Variants in SAR1B observed in about 807,000 individuals in gnomAD.
SAR1B encodes the protein small COPII coat GTPase SAR1B.
Under a neutral mutation model 26.8 loss-of-function variants are expected in SAR1B, and 23 were observed. That is an observed-to-expected ratio of 0.86 (90% CI 0.62 to 1.22). The LOEUF (loss-of-function observed/expected upper bound fraction) is 1.22, where lower values mean the gene tolerates loss of function less well. SAR1B is among the 50% of genes most tolerant of loss of function. The probability of loss-of-function intolerance (pLI) is 0.00; values close to 1 mark genes in which losing one functional copy is unlikely to be tolerated. For missense variants in SAR1B, 196 were observed against 232.8 expected (o/e 0.84, Z 1.03); for synonymous variants, 65 against 80.8 (o/e 0.80, Z 1.05).
intron 2 of SAR1B, among the ~76,000 whole-genome samples, chr5:134,622,882 G>A (rs1275689590): frequency 2.0e-5 from 3 of 151,188 alleles, no homozygotes; most frequent in African/African-American, 7.3e-5. Context: ...AGCACTTTGG[G>A]AGTCCAAGGC....
At chr5:134,620,559 GC>G (rs1388622319) in intron 3 of SAR1B, among the ~76,000 whole-genome samples, 2 of 152,044 alleles carry the variant, frequency 1.3e-5, no homozygotes, top group Non-Finnish European at 2.9e-5. Context: ...ACCAGAAAAT[GC>G]CCCCCAAACA....
At chr5:134,617,670 G>A (rs577840154) in intron 3 of SAR1B, among the ~76,000 whole-genome samples, 1 of 152,106 alleles carries the variant, frequency 6.6e-6, no homozygotes, top group East Asian at 1.9e-4. Context: ...GTTTTTGTTG[G>A]GTTTTTTTTC....
intron 1 of SAR1B, among the ~76,000 whole-genome samples, chr5:134,626,978 T>A (rs898243696): frequency 1.3e-5 from 2 of 152,164 alleles, no homozygotes; most frequent in African/African-American, 2.4e-5. Flanking sequence ...TATAGAAAAA[T>A]TTTAAAAGCA....
chr5:134,621,781 G>A (rs1434052483), intron 2 of SAR1B, among the ~76,000 whole-genome samples: 6 of 152,198 alleles, frequency 3.9e-5, no homozygotes, highest in Admixed American at 3.9e-4. Context: ...CTGTTGCCCA[G>A]GCTGGAGTGC....
At chr5:134,619,481 T>G (rs976198629) in intron 3 of SAR1B, among the ~76,000 whole-genome samples, 1 of 151,826 alleles carries the variant, frequency 6.6e-6, no homozygotes, top group African/African-American at 2.4e-5. Context: ...TGCCTCAGCC[T>G]CCCAAGTACC....
At position 134,607,435 on chromosome 5, in the gene SAR1B, AAAG is replaced by A. The variant is rs1448529746; in HGVS notation, c.481-372_481-370del. Among the ~76,000 whole-genome samples, 4 of 152,332 alleles carry A rather than the reference AAAG, an allele frequency of 2.6e-5. No homozygotes were observed. In the East Asian group the frequency reaches 7.7e-4, roughly 29 times the overall value. On this transcript the variant is annotated intron_variant, in intron 6 of 6. Coordinates refer to ENST00000402673, the MANE Select transcript of SAR1B (RefSeq NM_016103.4). ...AATTAATATCAAGCTAATTTATAAAAAAGAAGACAGAAAACAGACCAAAGTCTA... is the reference window on the plus strand; with the variant it reads ...AATTAATATCAAGCTAATTTATAAAAAAGACAGAAAACAGACCAAAGTCTA...
At chr5:134,616,210 G>C (rs190775408) in intron 3 of SAR1B, among the ~76,000 whole-genome samples, 1 of 151,792 alleles carries the variant, frequency 6.6e-6, no homozygotes, top group South Asian at 2.1e-4. Flanking sequence ...GCCGAGGGGG[G>C]CGGATCACCT....
Position 134,609,660 on chromosome 5 carries a change from T to C in SAR1B, c.259A>G (p.Lys87Glu), listed in dbSNP as rs1264349690. The C allele has an allele frequency of 1.2e-6, 2 of 1,614,060 alleles. No homozygotes were observed. Among genetic ancestry groups the C allele is most frequent in the South Asian group, 2.2e-5 (2 of 91,076 alleles). The change falls in exon 5 of 7, where the codon AAA (lysine) becomes GAA (glutamate). Residue 87 changes from lysine to glutamate, a missense_variant. Lys to Glu is a moderately conservative substitution (Grantham distance 56). Coordinates refer to ENST00000402673, the MANE Select transcript of SAR1B (RefSeq NM_016103.4). ...CCATTGATAGCAGGAAGGTAGTTTT[T>C]CCACACTCTTCGAGCTAACAAAAAC... Reference protein sequence around the residue: ...GGHVQARRVWKNYLPAINGIV... With the variant: ...GGHVQARRVWENYLPAINGIV...
At chr5:134,610,484 C>G (rs1236791869) in intron 4 of SAR1B, among the ~76,000 whole-genome samples, 3 of 150,922 alleles carry the variant, frequency 2.0e-5, no homozygotes, top group African/African-American at 7.3e-5. Context: ...GGAGAATCAC[C>G]TGAACCCGGG....
chr5:134,608,770 G>A (rs932612090), intron 5 of SAR1B, among the ~76,000 whole-genome samples: 1 of 152,198 alleles, frequency 6.6e-6, no homozygotes, highest in Admixed American at 6.5e-5. Flanking sequence ...CACCTTAGAA[G>A]TGAACAGATG....
chr5:134,625,946 G>A (rs1765486022), intron 1 of SAR1B: 1 of 152,066 alleles, frequency 6.6e-6, no homozygotes, highest in Non-Finnish European at 1.5e-5. Context: ...TCCCAAGAGA[G>A]ATAATCTAAG....
intron 1 of SAR1B, among the ~76,000 whole-genome samples, chr5:134,630,889 CTTTTT>C (rs781218368): frequency 2.9e-5 from 2 of 69,122 alleles, no homozygotes; most frequent in African/African-American, 1.2e-4. Context: ...CTTTTTTTTT[CTTTTT>C]TTTTTTTTTT....
rs1027481637 is a variant in SAR1B, at chr5:134,606,344, C to T, written c.*606G>A. On this transcript the variant is annotated 3_prime_UTR_variant, in exon 7 of 7. Coordinates refer to ENST00000402673, the MANE Select transcript of SAR1B (RefSeq NM_016103.4). ...GAATCTCCTTTCCCAACAACCACTT[C>T]ATATGCCTAATATTAAATACTCAAA... 1 of 155,772 alleles carries T rather than the reference C, an allele frequency of 6.4e-6. No homozygotes were observed. The highest frequency in any genetic ancestry group is 6.3e-5 in the Admixed American group (1 of 15,978). The allele number at this position is 155,772 out of a possible 1,614,324, so 9.6% of individuals were successfully genotyped here.
At chr5:134,628,033 G>A (rs190122315) in intron 1 of SAR1B, among the ~76,000 whole-genome samples, 5,767 of 151,782 alleles carry the variant, frequency 0.038, 140 homozygotes, top group Non-Finnish European at 0.056. Flanking sequence ...CAGCTACTCA[G>A]GAGGCTGAGG....
intron 5 of SAR1B, chr5:134,609,017 G>A: frequency 2.2e-6 from 1 of 451,634 alleles, no homozygotes; most frequent in Non-Finnish European, 4.4e-6. Context: ...TGCCTGCTCT[G>A]GGCAGAGCCA....
At chr5:134,608,626 G>T in intron 5 of SAR1B, 123 bp from the exon 6 acceptor site, 1 of 1,093,588 alleles carries the variant, frequency 9.1e-7, no homozygotes, top group Non-Finnish European at 1.3e-6. Context: ...AACGTTCTTT[G>T]TCAAACTTTC....
At chr5:134,622,369 C>T (rs1015183648) in intron 2 of SAR1B, among the ~76,000 whole-genome samples, 10 of 150,388 alleles carry the variant, frequency 6.6e-5, no homozygotes, top group East Asian at 5.9e-4. Context: ...TTTGTTCAAT[C>T]GAGTAATTGA....
Position 134,608,414 on chromosome 5 carries a change from C to T in SAR1B, c.438G>A (p.Arg146=), listed in dbSNP as rs1374354622. 3 of 1,605,408 alleles carry T rather than the reference C, an allele frequency of 1.9e-6. No homozygotes were observed. The highest frequency in any genetic ancestry group is 2.2e-5 in the East Asian group (1 of 44,800). The change falls in exon 6 of 7, where the codon AGG becomes AGA. Residue 146 remains arginine (R), a synonymous_variant. Transcript: ENST00000402673. ...IDRPEAISEE[R]LREMFGLYGQ... ...CATATAAACCAAACATCTCTCGCAACCTCTCTTCACTGATGGCTTCAGGTC... is the reference window on the plus strand; with the variant it reads ...CATATAAACCAAACATCTCTCGCAATCTCTCTTCACTGATGGCTTCAGGTC...
chr5:134,616,211 C>A (rs1317659976), intron 3 of SAR1B, among the ~76,000 whole-genome samples: 1 of 148,724 alleles, frequency 6.7e-6, no homozygotes, highest in Non-Finnish European at 1.5e-5. Flanking sequence ...CCGAGGGGGG[C>A]GGATCACCTG....
Sources: gnomAD v4.1 joint callset for allele counts (sites outside exome capture counted in the v4.1 genomes callset) on GRCh38, gnomAD v4.1.1 for gene constraint, MANE v1.5 for transcripts, NCBI Gene and HGNC (gene_info 2026-07-23, HGNC 2026-07-21) for gene names.